ANKRD55: variants seen among roughly 807,000 people sequenced by gnomAD.
The protein encoded by ANKRD55 is ankyrin repeat domain 55.
Under a neutral mutation model 60.6 loss-of-function variants are expected in ANKRD55, and 41 were observed. That is an observed-to-expected ratio of 0.68 (90% CI 0.53 to 0.88). The LOEUF (loss-of-function observed/expected upper bound fraction) is 0.88. Ranked by LOEUF, ANKRD55 falls within the 40% of genes least tolerant of loss-of-function variation. The pLI, the probability that ANKRD55 is intolerant of heterozygous loss-of-function variation, is 0.00. For synonymous variants in ANKRD55, 264 were observed against 290.3 expected, an observed-to-expected ratio of 0.91 and a Z score of 0.92; for missense variants, 732 against 767.6, an observed-to-expected ratio of 0.95 and a Z score of 0.55.
intron 7 of ANKRD55, chr5:56,137,013 C>G (rs1033807850): frequency 1.4e-6 from 1 of 704,354 alleles, no homozygotes. Context: ...GAGAGCCCCA[C>G]AAAATCATGC....
intron 7 of ANKRD55, among the ~76,000 whole-genome samples, chr5:56,135,597 G>T (rs896198686): frequency 4.0e-5 from 6 of 149,566 alleles, no homozygotes; most frequent in Non-Finnish European, 8.8e-5. Context: ...TTGAACTCCT[G>T]GCCTCAAGCA....
intron 2 of ANKRD55, among the ~76,000 whole-genome samples, chr5:56,222,289 C>T (rs1759986224): frequency 6.6e-6 from 1 of 152,146 alleles, no homozygotes; most frequent in African/African-American, 2.4e-5. Flanking sequence ...AGGGTCATGA[C>T]TGTTAGAAGG....
At chr5:56,210,723 A>T (rs184405433) in intron 2 of ANKRD55, among the ~76,000 whole-genome samples, 1 of 152,254 alleles carries the variant, frequency 6.6e-6, no homozygotes, top group East Asian at 1.9e-4. Flanking sequence ...ATATAGTCAA[A>T]ATCTATGGAT....
intron 2 of ANKRD55, chr5:56,192,406 T>G (rs550041982): frequency 1.6e-3 from 304 of 186,780 alleles, no homozygotes; most frequent in Non-Finnish European, 2.9e-3. Context: ...GGGCGGCAGT[T>G]GGCGGCCTCG....
intron 9 of ANKRD55, among the ~76,000 whole-genome samples, chr5:56,115,061 A>G (rs1319857785): frequency 1.3e-5 from 2 of 151,824 alleles, no homozygotes; most frequent in Non-Finnish European, 2.9e-5. Flanking sequence ...CCAGCTGGGC[A>G]TGGTGGCACA....
intron 2 of ANKRD55, among the ~76,000 whole-genome samples, chr5:56,201,247 C>A (rs1041440084): frequency 1.3e-5 from 2 of 152,138 alleles, no homozygotes; most frequent in Non-Finnish European, 2.9e-5. Flanking sequence ...GTCTTTCCAC[C>A]TTTAAGGAGC....
chr5:56,222,618 C>T (rs951333664), intron 2 of ANKRD55, among the ~76,000 whole-genome samples: 4 of 131,970 alleles, frequency 3.0e-5, no homozygotes, highest in Admixed American at 7.4e-5. Context: ...AAAGATTGGA[C>T]GAATGGCTAA....
At chr5:56,184,489 G>C (rs76260660) in intron 2 of ANKRD55, among the ~76,000 whole-genome samples, 3,382 of 152,290 alleles carry the variant, frequency 0.022, 151 homozygotes, top group African/African-American at 0.076. Flanking sequence ...TCAACCACCT[G>C]AGATTTCATG....
intron 8 of ANKRD55, among the ~76,000 whole-genome samples, chr5:56,117,647 T>C (rs1239906665): frequency 6.6e-6 from 1 of 151,990 alleles, no homozygotes; most frequent in African/African-American, 2.4e-5. Flanking sequence ...AGAGACGGGG[T>C]TTCACTATGT....
At position 56,198,793 on chromosome 5, in the gene ANKRD55, T is replaced by C. The variant is rs532864976; in HGVS notation, c.59-15159A>G. On this transcript the variant is annotated intron_variant, in intron 2 of 11. Transcript: ENST00000341048. Reference sequence around the variant, plus strand: ...CTCTGTTGATTTAAAAACACGTGTTTAGGGGCTGGGCAGCGGTGGCTCACA... The same window carrying C: ...CTCTGTTGATTTAAAAACACGTGTTCAGGGGCTGGGCAGCGGTGGCTCACA... Among the ~76,000 whole-genome samples the C allele has an allele frequency of 8.2e-4, 123 of 149,232 alleles. 2 individuals are homozygous for C. The highest frequency in any genetic ancestry group is 1.4e-3 in the Non-Finnish European group (95 of 66,908).
chr5:56,183,049 C>T (rs970426539), intron 3 of ANKRD55, among the ~76,000 whole-genome samples: 2 of 152,228 alleles, frequency 1.3e-5, no homozygotes, highest in Non-Finnish European at 2.9e-5. Flanking sequence ...TGGGCACTTA[C>T]ACCATGTCAT....
intron 7 of ANKRD55, among the ~76,000 whole-genome samples, chr5:56,141,274 A>AT (rs34561010): frequency 5.3e-5 from 8 of 151,384 alleles, no homozygotes; most frequent in East Asian, 1.9e-4. Context: ...CAATACAAAT[A>AT]TTTTTTTTAA....
intron 7 of ANKRD55, among the ~76,000 whole-genome samples, chr5:56,141,018 G>A (rs1040954860): frequency 2.0e-5 from 3 of 151,546 alleles, no homozygotes; most frequent in Non-Finnish European, 4.4e-5. Flanking sequence ...AGCCAAGATC[G>A]CACCATTGCA....
In ANKRD55 at chr5:56,112,511, A is replaced by AAAAAAAAAAAAAAAACAAAAAAAAAAC; in HGVS notation, c.966-730_966-729insGTTTTTTTTTTGTTTTTTTTTTTTTTT. ...GCAGGATCTCATCTCTAGCAAAAAAAAAAAAAAAAAACAACCAAGGAAAGA... is the reference window on the plus strand; with the variant it reads ...GCAGGATCTCATCTCTAGCAAAAAAAAAAAAAAAAAAAAAACAAAAAAAAAACAAAAAAAAAAACAACCAAGGAAAGA... On this transcript the variant is annotated intron_variant, in intron 9 of 11. Transcript: ENST00000341048. Among the ~76,000 whole-genome samples the AAAAAAAAAAAAAAAACAAAAAAAAAAC allele has an allele frequency of 9.0e-4, 73 of 81,512 alleles. 1 individual carries two copies. The highest frequency in any genetic ancestry group is 3.7e-3 in the African/African-American group (68 of 18,520). The allele number at this position is 81,512 out of a possible 152,430, so 53.5% of individuals were successfully genotyped here. A position where few individuals can be genotyped will look rare whatever the true frequency, so the allele number is the denominator to read the frequency against.
intron 4 of ANKRD55, among the ~76,000 whole-genome samples, chr5:56,175,577 C>G (rs1758718486): frequency 6.6e-6 from 1 of 152,254 alleles, no homozygotes; most frequent in African/African-American, 2.4e-5. Flanking sequence ...GAAATCTCTA[C>G]CGGTGAGGAC....
At chr5:56,143,111 C>A (rs1227397638) in intron 7 of ANKRD55, among the ~76,000 whole-genome samples, 1 of 152,140 alleles carries the variant, frequency 6.6e-6, no homozygotes, top group Non-Finnish European at 1.5e-5. Context: ...CAACAGAAAT[C>A]AACTGTGGGG....
At chr5:56,141,130 GT>G (rs33972955) in intron 7 of ANKRD55, among the ~76,000 whole-genome samples, 3,807 of 111,660 alleles carry the variant, frequency 0.034, 120 homozygotes, top group African/African-American at 0.11. Flanking sequence ...TGCACACACA[GT>G]TTTTTTTTTT....
At position 56,111,707 on chromosome 5, in the gene ANKRD55, G is replaced by A. The variant is rs753854877; in HGVS notation, c.1041C>T (p.Asn347=). 48 of 1,521,804 alleles carry A rather than the reference G, an allele frequency of 3.2e-5. No homozygotes were observed. The highest frequency in any genetic ancestry group is 4.1e-5 in the Non-Finnish European group (47 of 1,140,088). 94.3% of individuals were successfully genotyped at this position (1,521,804 alleles called of 1,614,324 possible). ...CTTTCTTGTTTTTGCAGAATATTTG[G>A]TTGAGCACGTTGAACCGTCTCTCCT... is the stretch of plus-strand genomic sequence containing the variant. The part of the protein sequence containing the change: ...QKKERRFNVL[N]QIFCKNKKEE... Residue 347 remains asparagine, a synonymous_variant, in exon 10 of 12, where the codon AAC becomes AAT. Coordinates refer to ENST00000341048, the MANE Select transcript of ANKRD55 (RefSeq NM_024669.3).
chr5:56,153,903 A>G (rs542983678), intron 6 of ANKRD55, among the ~76,000 whole-genome samples: 1 of 149,670 alleles, frequency 6.7e-6, no homozygotes, highest in South Asian at 2.1e-4. Flanking sequence ...TTCTAAGACA[A>G]ATGCTTGAGT....
Sources: allele counts gnomAD v4.1 joint callset (sites outside exome capture counted in the v4.1 genomes callset), GRCh38; gene constraint gnomAD v4.1.1; transcripts MANE v1.5; gene names NCBI Gene and HGNC (gene_info 2026-07-23, HGNC 2026-07-21).